The following CNOT10 variants were observed in gnomAD, a reference collection of about 807,000 sequenced individuals.
CNOT10 encodes the protein CCR4-NOT transcription complex subunit 10, also known as CCR4-NOT transcription complex, subunit 10.
CNOT10 carries 30 observed loss-of-function variants against 94.6 expected under a neutral mutation model. The observed-to-expected ratio is 0.32, with a 90% confidence interval of 0.24 to 0.43. CNOT10 has a LOEUF of 0.43. CNOT10 is among the 20% of genes least tolerant of loss of function. The pLI, the probability that CNOT10 is intolerant of heterozygous loss-of-function variation, is 1.00. For missense variants in CNOT10, 759 were observed against 877.2 expected (o/e 0.87, Z 1.70); for synonymous variants, 289 against 301.6 (o/e 0.96, Z 0.43).
intron 13 of CNOT10, among the ~76,000 whole-genome samples, chr3:32,742,363 T>A (rs71325111): frequency 6.6e-6 from 1 of 152,110 alleles, no homozygotes; most frequent in Admixed American, 6.6e-5. Flanking sequence ...TATAGCTTTT[T>A]GTTTTGTTTT....
Position 32,764,566 on chromosome 3 carries a change from C to T in CNOT10, c.1876+76C>T, listed in dbSNP as rs943121954. ...ATTTAGATTCTAAATCTTCTGTGTT[C>T]GTTTTTCTGCCTGAGGAATACTGCT... On this transcript the variant is annotated intron_variant, in intron 16 of 18. Transcript: ENST00000328834. The T allele has an allele frequency of 2.5e-5, 40 of 1,602,478 alleles. No homozygotes were observed. In the Admixed American group the frequency reaches 2.6e-4, roughly 10 times the overall value.
intron 1 of CNOT10, chr3:32,695,774 A>C: frequency 6.5e-7 from 1 of 1,535,922 alleles, no homozygotes; most frequent in Non-Finnish European, 8.7e-7. Flanking sequence ...GGCAACGGAG[A>C]CTACTTTTGG....
At chr3:32,771,915 ATTAT>A (rs955719862) in intron 18 of CNOT10, among the ~76,000 whole-genome samples, 9 of 152,230 alleles carry the variant, frequency 5.9e-5, no homozygotes, top group Admixed American at 1.3e-4. Context: ...CTTGCTGAGA[ATTAT>A]TTATTCAAAC....
intron 13 of CNOT10, among the ~76,000 whole-genome samples, chr3:32,738,602 A>G (rs1424136187): frequency 6.6e-6 from 1 of 151,470 alleles, no homozygotes; most frequent in Non-Finnish European, 1.5e-5. Context: ...AGCTGGGACT[A>G]CAGGCGCCTG....
chr3:32,691,882 C>T (rs1423135300), intron 1 of CNOT10, among the ~76,000 whole-genome samples: 1 of 151,562 alleles, frequency 6.6e-6, no homozygotes, highest in Non-Finnish European at 1.5e-5. Flanking sequence ...ATGGTGAAAC[C>T]CTGTCTCTAC....
At chr3:32,731,153 T>C (rs2125573681) in intron 10 of CNOT10, 1 of 152,320 alleles carries the variant, frequency 6.6e-6, no homozygotes, top group East Asian at 1.9e-4. Flanking sequence ...GTTTAAAATA[T>C]CCACTTTTTC....
At chr3:32,712,678 T>G (rs532577161) in intron 4 of CNOT10, among the ~76,000 whole-genome samples, 2 of 152,136 alleles carry the variant, frequency 1.3e-5, no homozygotes, top group South Asian at 4.1e-4. Flanking sequence ...AAACCCTGTT[T>G]CTATGAAAAA....
intron 18 of CNOT10, among the ~76,000 whole-genome samples, chr3:32,770,716 TTC>T (rs1400939892): frequency 6.6e-6 from 1 of 150,800 alleles, no homozygotes; most frequent in Non-Finnish European, 1.5e-5. Context: ...TTTTTTTTTT[TTC>T]TTTTTTGAGA....
At chr3:32,768,535 A>G (rs982232040) in intron 17 of CNOT10, among the ~76,000 whole-genome samples, 12 of 151,940 alleles carry the variant, frequency 7.9e-5, no homozygotes, top group Admixed American at 2.6e-4. Flanking sequence ...GTGAGCCTAG[A>G]TCGTGCAATT....
chr3:32,767,536 A>AT (rs1700701227), intron 17 of CNOT10, among the ~76,000 whole-genome samples: 1 of 150,780 alleles, frequency 6.6e-6, no homozygotes, highest in Admixed American at 6.6e-5. Flanking sequence ...AAAAAAAAAA[A>AT]AGCCTATGTG....
chr3:32,736,755 C>A (rs1275347598), intron 12 of CNOT10, among the ~76,000 whole-genome samples: 3 of 151,962 alleles, frequency 2.0e-5, no homozygotes, highest in Non-Finnish European at 4.4e-5. Flanking sequence ...CCAGCCTGGG[C>A]AACAGTCTCA....
intron 1 of CNOT10, among the ~76,000 whole-genome samples, chr3:32,702,444 A>G (rs1224530184): frequency 3.3e-5 from 5 of 152,242 alleles, no homozygotes; most frequent in African/African-American, 1.2e-4. Flanking sequence ...TTATAGAGGT[A>G]GGAGGTAGTT....
At chr3:32,711,371 T>C (rs1163076995) in intron 4 of CNOT10, among the ~76,000 whole-genome samples, 2 of 152,222 alleles carry the variant, frequency 1.3e-5, no homozygotes, top group South Asian at 2.1e-4. Context: ...GTAAATGCTA[T>C]GAAAATGTTT....
At chr3:32,739,451 C>G (rs1338780490) in intron 13 of CNOT10, among the ~76,000 whole-genome samples, 1 of 152,072 alleles carries the variant, frequency 6.6e-6, no homozygotes, top group Non-Finnish European at 1.5e-5. Flanking sequence ...ACACAGTTCC[C>G]TTTAAGCCTG....
At chr3:32,688,799 C>T (rs1293919157) in intron 1 of CNOT10, among the ~76,000 whole-genome samples, 1 of 151,976 alleles carries the variant, frequency 6.6e-6, no homozygotes, top group Non-Finnish European at 1.5e-5. Flanking sequence ...CCTATAGTCT[C>T]AGCTCCTAGG....
At chr3:32,708,615 T>G in intron 3 of CNOT10, 55 bp from the exon 4 acceptor site, 1 of 1,479,840 alleles carries the variant, frequency 6.8e-7, no homozygotes, top group South Asian at 1.3e-5. Flanking sequence ...ATTCTTTCAC[T>G]TTTGCTTTTT....
chr3:32,754,321 C>T (rs186360709), intron 13 of CNOT10, among the ~76,000 whole-genome samples: 2,846 of 145,746 alleles, frequency 0.02, 44 homozygotes, highest in East Asian at 0.047. Flanking sequence ...ACTAAAAATA[C>T]AAAAAATTAG....
intron 1 of CNOT10, among the ~76,000 whole-genome samples, chr3:32,701,440 A>G (rs1414615067): frequency 6.6e-6 from 1 of 152,128 alleles, no homozygotes; most frequent in African/African-American, 2.4e-5. Context: ...CAATGACCTA[A>G]TGATATCGTG....
chr3:32,718,921 C>T (rs1222389752), intron 7 of CNOT10, among the ~76,000 whole-genome samples: 2 of 152,104 alleles, frequency 1.3e-5, no homozygotes, highest in African/African-American at 4.8e-5. Flanking sequence ...TTGAGACCAA[C>T]CTTGCCAACA....
Sources: allele counts gnomAD v4.1 joint callset (sites outside exome capture counted in the v4.1 genomes callset), GRCh38; gene constraint gnomAD v4.1.1; transcripts MANE v1.5; gene names NCBI Gene and HGNC (gene_info 2026-07-23, HGNC 2026-07-21).